RBFOX1: variants seen among roughly 807,000 people sequenced by gnomAD.
RBFOX1 encodes the protein RNA binding protein fox-1 homolog 1.
RBFOX1 carries 8 observed loss-of-function variants against 57.7 expected under a neutral mutation model. That is an observed-to-expected ratio of 0.14 (90% CI 0.08 to 0.25). The LOEUF (loss-of-function observed/expected upper bound fraction) is 0.25. Ranked by LOEUF, RBFOX1 falls within the 10% of genes least tolerant of loss-of-function variation. The pLI is 1.00. For synonymous variants in RBFOX1, 326 were observed against 222.4 expected, an observed-to-expected ratio of 1.47 and a Z score of -4.15; for missense variants, 611 against 548.5, an observed-to-expected ratio of 1.11 and a Z score of -1.14.
chr16:7,201,961 G>T (rs961335106), intron 4 of RBFOX1, among the ~76,000 whole-genome samples: 2 of 152,174 alleles, frequency 1.3e-5, no homozygotes, highest in African/African-American at 4.8e-5. Context: ...GCAGAAGTTT[G>T]GGAAGCCAAT....
At chr16:5,979,170 G>A (rs1483849844) in intron 4 of RBFOX1, among the ~76,000 whole-genome samples, 3 of 152,174 alleles carry the variant, frequency 2.0e-5, no homozygotes, top group African/African-American at 7.2e-5. Context: ...CCTGTCTGAG[G>A]TGAGCTCCAA....
At chr16:7,504,766 TATA>T (rs2072526547) in intron 4 of RBFOX1, among the ~76,000 whole-genome samples, 1 of 12,022 alleles carries the variant, frequency 8.3e-5, no homozygotes, top group Non-Finnish European at 2.9e-4. Flanking sequence ...TATATATATA[TATA>T]TTTATATATA....
chr16:5,748,330 G>T (rs1347030703), intron 3 of RBFOX1, among the ~76,000 whole-genome samples: 1 of 152,136 alleles, frequency 6.6e-6, no homozygotes, highest in Non-Finnish European at 1.5e-5. Flanking sequence ...GTGATGTGAT[G>T]CTGAGAAGAA....
At chr16:7,542,963 C>G (rs113749086) in intron 5 of RBFOX1, among the ~76,000 whole-genome samples, 6,396 of 152,244 alleles carry the variant, frequency 0.042, 203 homozygotes, top group East Asian at 0.12. Flanking sequence ...GACATTACAA[C>G]TATAGGTACT....
intron 4 of RBFOX1, among the ~76,000 whole-genome samples, chr16:7,116,431 A>T (rs2065915863): frequency 6.6e-6 from 1 of 152,168 alleles, no homozygotes; most frequent in Admixed American, 6.6e-5. Flanking sequence ...GAAATGCACC[A>T]ACATCTCTGC....
At chr16:7,359,696 C>T (rs535965242) in intron 4 of RBFOX1, among the ~76,000 whole-genome samples, 1 of 152,138 alleles carries the variant, frequency 6.6e-6, no homozygotes, top group African/African-American at 2.4e-5. Flanking sequence ...CAAATTTAAC[C>T]ACTCTGGACC....
intron 4 of RBFOX1, among the ~76,000 whole-genome samples, chr16:7,157,744 A>C (rs1169987184): frequency 6.6e-6 from 1 of 152,190 alleles, no homozygotes; most frequent in African/African-American, 2.4e-5. Flanking sequence ...TTCACTGGGC[A>C]AGTGGAAACA....
At chr16:6,103,951 C>T (rs368743189) in intron 1 of RBFOX1, among the ~76,000 whole-genome samples, 4 of 152,268 alleles carry the variant, frequency 2.6e-5, no homozygotes, top group Admixed American at 6.5e-5. Flanking sequence ...TTCGCCCTAG[C>T]CATTGGGGCT....
intron 2 of RBFOX1, chr16:6,483,111 C>A (rs2095399758): frequency 1.9e-6 from 2 of 1,027,020 alleles, no homozygotes; most frequent in African/African-American, 1.7e-5. Context: ...CCCACGCAGC[C>A]CCAGTATCCA....
intron 1 of RBFOX1, among the ~76,000 whole-genome samples, chr16:6,308,553 G>A (rs559224437): frequency 1.8e-4 from 28 of 152,296 alleles, no homozygotes; most frequent in African/African-American, 6.3e-4. Flanking sequence ...TCCTGCTCGT[G>A]TGGCTCTGAG....
intron 4 of RBFOX1, among the ~76,000 whole-genome samples, chr16:7,083,683 A>C (rs887098667): frequency 5.3e-5 from 8 of 152,184 alleles, no homozygotes; most frequent in Non-Finnish European, 1.0e-4. Context: ...CCTATCAGGC[A>C]AAATGTTCAC....
chr16:5,614,756 G>A (rs946509883), intron 3 of RBFOX1, among the ~76,000 whole-genome samples: 3 of 152,176 alleles, frequency 2.0e-5, no homozygotes, highest in Non-Finnish European at 2.9e-5. Context: ...ATCTAGATGC[G>A]AGATGCTATG....
At chr16:5,682,053 C>A (rs917680083) in intron 3 of RBFOX1, among the ~76,000 whole-genome samples, 1 of 152,142 alleles carries the variant, frequency 6.6e-6, no homozygotes, top group Admixed American at 6.5e-5. Flanking sequence ...CCTCCTAGGT[C>A]TCTGGGGCTG....
At chr16:6,369,263 G>T (rs28667236) in intron 2 of RBFOX1, among the ~76,000 whole-genome samples, 4,871 of 152,120 alleles carry the variant, frequency 0.032, 275 homozygotes, top group African/African-American at 0.11. Context: ...AAATTGATAT[G>T]CTCACTTCAA....
intron 1 of RBFOX1, among the ~76,000 whole-genome samples, chr16:6,161,863 A>C (rs2096881908): frequency 1.3e-5 from 2 of 152,198 alleles, no homozygotes; most frequent in Non-Finnish European, 2.9e-5. Flanking sequence ...ACTGGGAACA[A>C]ACTTTGAGTA....
chr16:6,915,593 C>T (rs2072949415), intron 3 of RBFOX1, among the ~76,000 whole-genome samples: 1 of 147,702 alleles, frequency 6.8e-6, no homozygotes, highest in South Asian at 2.1e-4. Context: ...CTCTGTCACC[C>T]AGGCTGGAGT....
At chr16:7,044,353 G>C (rs148034768) in intron 3 of RBFOX1, among the ~76,000 whole-genome samples, 2 of 152,280 alleles carry the variant, frequency 1.3e-5, no homozygotes, top group East Asian at 3.9e-4. Context: ...ACTGAAAACA[G>C]GGTCAGAATA....
intron 4 of RBFOX1, among the ~76,000 whole-genome samples, chr16:5,888,719 C>G (rs2057961862): frequency 6.7e-6 from 1 of 149,066 alleles, no homozygotes; most frequent in South Asian, 2.1e-4. Context: ...TTGCTTGAAT[C>G]CGGGAGGTGG....
chr16:7,428,979 A>C (rs1034964493), intron 4 of RBFOX1, among the ~76,000 whole-genome samples: 2 of 152,172 alleles, frequency 1.3e-5, no homozygotes, highest in East Asian at 3.9e-4. Flanking sequence ...AAAAAAGTGT[A>C]TCAACAGACA....
Sources: allele counts gnomAD v4.1 joint callset (sites outside exome capture counted in the v4.1 genomes callset), GRCh38; gene constraint gnomAD v4.1.1; transcripts MANE v1.5; gene names NCBI Gene and HGNC (gene_info 2026-07-23, HGNC 2026-07-21).